Variants in CDH4 observed in about 807,000 individuals in gnomAD.
CDH4 encodes cadherin-4.
A neutral mutation model predicts 86.0 loss-of-function variants in CDH4; 33 were observed. The ratio of observed to expected loss-of-function variants is 0.38; its 90% CI spans 0.29 to 0.51. The LOEUF (loss-of-function observed/expected upper bound fraction) is 0.51. CDH4 is among the 20% of genes least tolerant of loss of function. CDH4 has a pLI of 0.86. For synonymous variants in CDH4, 555 were observed against 549.4 expected, an observed-to-expected ratio of 1.01 and a Z score of -0.14; for missense variants, 1,114 against 1,307.4, an observed-to-expected ratio of 0.85 and a Z score of 2.28.
intron 2 of CDH4, among the ~76,000 whole-genome samples, chr20:61,583,153 AGGGACAGAGGGCTCTGCG>A (rs2086442542): frequency 3.3e-5 from 2 of 60,786 alleles, no homozygotes; most frequent in Non-Finnish European, 6.1e-5. Flanking sequence ...GGCTCTGCGG[AGGGACAGAGGGCTCTGCG>A]GGGGGGACAG....
intron 4 of CDH4, among the ~76,000 whole-genome samples, chr20:61,831,384 G>T (rs1981605908): frequency 6.6e-6 from 1 of 152,236 alleles, no homozygotes; most frequent in African/African-American, 2.4e-5. Flanking sequence ...AGCGAGCAGT[G>T]AAGTCTCGAG....
intron 2 of CDH4, among the ~76,000 whole-genome samples, chr20:61,416,186 G>C (rs1235759221): frequency 6.6e-6 from 1 of 151,814 alleles, no homozygotes; most frequent in Non-Finnish European, 1.5e-5. Flanking sequence ...ATCTTTAGTA[G>C]AGACAGGGTT....
chr20:61,621,375 G>A (rs2086775912), intron 2 of CDH4, among the ~76,000 whole-genome samples: 2 of 152,224 alleles, frequency 1.3e-5, no homozygotes, highest in South Asian at 4.1e-4. Flanking sequence ...AAGTTCATTA[G>A]TCTATTGAAA....
intron 2 of CDH4, among the ~76,000 whole-genome samples, chr20:61,533,256 G>A (rs192121419): frequency 1.8e-3 from 272 of 152,336 alleles, no homozygotes; most frequent in Non-Finnish European, 3.2e-3. Flanking sequence ...GGAGTGGCAG[G>A]GCGATGGGGG....
intron 2 of CDH4, among the ~76,000 whole-genome samples, chr20:61,451,130 C>CCA (rs1555851646): frequency 5.0e-5 from 2 of 39,862 alleles, no homozygotes; most frequent in Non-Finnish European, 6.9e-5. Flanking sequence ...ACGCCCCCCC[C>CCA]CTTCCCTCCG....
chr20:61,556,727 G>GT (rs2086180338), intron 2 of CDH4, among the ~76,000 whole-genome samples: 1 of 152,078 alleles, frequency 6.6e-6, no homozygotes, highest in Admixed American at 6.5e-5. Context: ...CCCAGTGGAG[G>GT]TCCCCCAGTC....
chr20:61,652,858 TGGG>T (rs202066224), intron 2 of CDH4, among the ~76,000 whole-genome samples: 3 of 141,360 alleles, frequency 2.1e-5, no homozygotes, highest in South Asian at 2.2e-4. Context: ...AATTTTTTTT[TGGG>T]GGGGGGATAA....
At chr20:61,451,918 C>T (rs2085383091) in intron 2 of CDH4, among the ~76,000 whole-genome samples, 1 of 152,220 alleles carries the variant, frequency 6.6e-6, no homozygotes, top group South Asian at 2.1e-4. Flanking sequence ...GGAGAAACCA[C>T]TGGAAAATTA....
At chr20:61,935,532 TG>T (rs2055173014) in intron 15 of CDH4, among the ~76,000 whole-genome samples, 1 of 152,186 alleles carries the variant, frequency 6.6e-6, no homozygotes, top group South Asian at 2.1e-4. Context: ...CCAAGGCAGG[TG>T]GATCACCTGA....
chr20:61,543,142 C>T (rs575736137), intron 2 of CDH4, among the ~76,000 whole-genome samples: 44 of 152,190 alleles, frequency 2.9e-4, no homozygotes, highest in Non-Finnish European at 5.6e-4. Flanking sequence ...TAGATGGTGC[C>T]CAGCCACATT....
chr20:61,659,208 G>A (rs572493131), intron 2 of CDH4, among the ~76,000 whole-genome samples: 5 of 152,322 alleles, frequency 3.3e-5, no homozygotes, highest in Middle Eastern at 6.8e-3. Context: ...GACACTCGTG[G>A]GGGTTTGAAA....
intron 4 of CDH4, among the ~76,000 whole-genome samples, chr20:61,779,427 G>A (rs2145995993): frequency 6.6e-6 from 1 of 152,326 alleles, no homozygotes; most frequent in African/African-American, 2.4e-5. Context: ...CCTGCGAGGT[G>A]CTTAGGTCGC....
chr20:61,854,372 G>A (rs554521162), intron 6 of CDH4, among the ~76,000 whole-genome samples: 14 of 151,904 alleles, frequency 9.2e-5, no homozygotes, highest in South Asian at 8.3e-4. Flanking sequence ...CCCTCGGTCC[G>A]CCCCCAGGGC....
At chr20:61,279,660 G>A (rs544051149) in intron 2 of CDH4, among the ~76,000 whole-genome samples, 8 of 152,292 alleles carry the variant, frequency 5.3e-5, no homozygotes, top group East Asian at 1.9e-4. Flanking sequence ...CCACGAAAGC[G>A]CAGAGGACAT....
At chr20:61,625,007 T>C (rs2086817035) in intron 2 of CDH4, among the ~76,000 whole-genome samples, 2 of 152,128 alleles carry the variant, frequency 1.3e-5, no homozygotes, top group Admixed American at 1.3e-4. Flanking sequence ...CGCAGACACA[T>C]TGTAAGGCCC....
At chr20:61,678,351 T>C (rs888991123) in intron 2 of CDH4, among the ~76,000 whole-genome samples, 2 of 152,174 alleles carry the variant, frequency 1.3e-5, no homozygotes, top group South Asian at 4.1e-4. Flanking sequence ...CGTAGATCAG[T>C]ATAGACATGG....
chr20:61,308,019 G>A (rs1176260436), intron 2 of CDH4, among the ~76,000 whole-genome samples: 3 of 152,230 alleles, frequency 2.0e-5, no homozygotes, highest in African/African-American at 2.4e-5. Flanking sequence ...GTCCAGGCAT[G>A]GAGAGCTTCT....
At chr20:61,813,895 G>T (rs1980570835) in intron 4 of CDH4, among the ~76,000 whole-genome samples, 1 of 152,262 alleles carries the variant, frequency 6.6e-6, no homozygotes, top group African/African-American at 2.4e-5. Flanking sequence ...GGTCTCCAGT[G>T]CCCCTGGGAG....
chr20:61,555,643 C>G (rs1416060936), intron 2 of CDH4, among the ~76,000 whole-genome samples: 2 of 152,236 alleles, frequency 1.3e-5, no homozygotes, highest in Non-Finnish European at 2.9e-5. Context: ...CAAAATCACA[C>G]CCTTTATTCG....
Sources: allele counts gnomAD v4.1 joint callset (sites outside exome capture counted in the v4.1 genomes callset), GRCh38; gene constraint gnomAD v4.1.1; transcripts MANE v1.5; gene names NCBI Gene and HGNC (gene_info 2026-07-23, HGNC 2026-07-21).